Variants in PHF2 observed in about 807,000 individuals in gnomAD.
PHF2 encodes PHD finger protein 2, also known as lysine-specific demethylase PHF2.
In PHF2, 27 loss-of-function variants were observed where a neutral mutation model predicts 120.5. The observed-to-expected ratio is 0.22, with a 90% confidence interval of 0.17 to 0.31. The LOEUF (loss-of-function observed/expected upper bound fraction) is 0.31. PHF2 is among the 10% of genes least tolerant of loss of function. PHF2 has a pLI of 1.00. For missense variants in PHF2, 1,024 were observed against 1,434.8 expected (o/e 0.71, Z 4.63); for synonymous variants, 568 against 592.5 (o/e 0.96, Z 0.60).
chr9:93,667,151 C>G lies in PHF2; in HGVS notation c.2259C>G (p.Val753=). The G allele has an allele frequency of 1.9e-6, 3 of 1,613,310 alleles. No homozygotes were observed. The highest frequency in any genetic ancestry group is 2.5e-6 in the Non-Finnish European group (3 of 1,179,990). The change falls in exon 17 of 22, where the codon GTC becomes GTG. Residue 753 remains valine, a synonymous_variant. Coordinates refer to ENST00000359246, the MANE Select transcript of PHF2 (RefSeq NM_005392.4). ...TDTKPGRNAR[V]KKESGSSAAG... is the part of the protein sequence containing the mutation. ...CCAAGCCCGGCCGCAATGCCAGAGT[C>G]AAGAAGGAGAGTGGGAGCTCGGCAG...
At chr9:93,646,179 C>T (rs1826255994) in intron 4 of PHF2, among the ~76,000 whole-genome samples, 1 of 152,210 alleles carries the variant, frequency 6.6e-6, no homozygotes, top group Non-Finnish European at 1.5e-5. Context: ...CTCATCTGTA[C>T]CATGACCTGC....
At chr9:93,613,688 C>T (rs1825675547) in intron 1 of PHF2, among the ~76,000 whole-genome samples, 1 of 151,870 alleles carries the variant, frequency 6.6e-6, no homozygotes, top group African/African-American at 2.4e-5. Context: ...CCTCCTGCCT[C>T]AGCCTCCTGA....
At chr9:93,663,762 G>A (rs1283526505) in intron 14 of PHF2, 127 bp downstream of exon 14, 5 of 524,034 alleles carry the variant, frequency 9.5e-6, no homozygotes, top group East Asian at 9.1e-5. Context: ...CATGCACTCT[G>A]CATCTCACAC....
At chr9:93,639,347 C>A (rs1469323414) in intron 3 of PHF2, among the ~76,000 whole-genome samples, 6 of 152,046 alleles carry the variant, frequency 3.9e-5, no homozygotes, top group Non-Finnish European at 1.5e-5. Context: ...TCAATAGAAT[C>A]GTTTTCTTAA....
At chr9:93,645,107 A>G (rs1297409282) in intron 3 of PHF2, among the ~76,000 whole-genome samples, 2 of 151,930 alleles carry the variant, frequency 1.3e-5, no homozygotes, top group East Asian at 1.9e-4. Context: ...CCTGGTTTTC[A>G]CCCCTGTCCT....
chr9:93,581,791 C>T (rs777530819), intron 1 of PHF2, among the ~76,000 whole-genome samples: 6 of 152,162 alleles, frequency 3.9e-5, no homozygotes, highest in Non-Finnish European at 5.9e-5. Flanking sequence ...GACGCTGCCA[C>T]CCCCAGGCAT....
At chr9:93,632,925 C>T (rs1460880787) in intron 2 of PHF2, among the ~76,000 whole-genome samples, 1 of 109,452 alleles carries the variant, frequency 9.1e-6, no homozygotes. Context: ...AGTGAGTGTA[C>T]ACTGTGCCCA....
At position 93,677,330 on chromosome 9, in the gene PHF2, A is replaced by G. The variant is rs1826936804; in HGVS notation, c.3203-258A>G. On this transcript the variant is annotated intron_variant, in intron 21 of 21. Coordinates refer to ENST00000359246, the MANE Select transcript of PHF2 (RefSeq NM_005392.4). This position sits in a 1 kb window ranked among gnomAD's most constrained non-coding sequence, Gnocchi z 4.4. ...CAGGCATCCTCATGTCCTCCTCATAATGCCATCCCCAAGCCCATGTCCATC... is the reference window on the plus strand; with the variant it reads ...CAGGCATCCTCATGTCCTCCTCATAGTGCCATCCCCAAGCCCATGTCCATC... 6.6e-6 allele frequency among the ~76,000 whole-genome samples: 1 copy of G among 151,328 alleles called. No homozygotes were observed. The highest frequency in any genetic ancestry group is 2.1e-4 in the South Asian group (1 of 4,724).
intron 12 of PHF2, among the ~76,000 whole-genome samples, chr9:93,660,768 C>G (rs1290348048): frequency 6.6e-6 from 1 of 152,218 alleles, no homozygotes; most frequent in Admixed American, 6.5e-5. Context: ...CTGCAGCATC[C>G]AGGCCCAGAC....
intron 1 of PHF2, among the ~76,000 whole-genome samples, chr9:93,603,016 A>AG (rs1487722631): frequency 2.0e-5 from 3 of 150,240 alleles, no homozygotes; most frequent in African/African-American, 4.9e-5. Context: ...TTGGACTGGG[A>AG]GGGGGGCGCG....
In PHF2 at chr9:93,649,697, CACTG is replaced by C. The variant is rs531129084; in HGVS notation, c.602+489_602+492del. Among the ~76,000 whole-genome samples the C allele has an allele frequency of 4.4e-4, 66 of 151,670 alleles. 1 individual carries two copies. In the Middle Eastern group the frequency reaches 0.017, roughly 39 times the overall value. On this transcript the variant is annotated intron_variant, in intron 5 of 21. Transcript: ENST00000359246. ...CTCGTGGACACACTCATGACACTCACACTGACTCATGGACACTCCAATGCATGAG... is the reference window on the plus strand; with the variant it reads ...CTCGTGGACACACTCATGACACTCACACTCATGGACACTCCAATGCATGAG...
chr9:93,654,943 C>A (rs1250605759), intron 7 of PHF2, among the ~76,000 whole-genome samples: 1 of 152,174 alleles, frequency 6.6e-6, no homozygotes, highest in Non-Finnish European at 1.5e-5. Flanking sequence ...CTCAGAGAGC[C>A]TTGTGTGGAG....
intron 4 of PHF2, 132 bp downstream of exon 4, chr9:93,645,921 A>ACC (rs1826250776): frequency 9.8e-7 from 1 of 1,016,150 alleles, no homozygotes; most frequent in Admixed American, 3.2e-5. Context: ...CTCAAGGCTC[A>ACC]CCGTACTCTG....
chr9:93,655,302 A>C (rs954944948), intron 7 of PHF2, among the ~76,000 whole-genome samples: 8 of 150,524 alleles, frequency 5.3e-5, no homozygotes, highest in African/African-American at 2.0e-4. Context: ...ATTTTAAATA[A>C]GTATCAAACT....
chr9:93,634,120 C>T (rs370905888), intron 2 of PHF2, among the ~76,000 whole-genome samples: 6 of 152,244 alleles, frequency 3.9e-5, no homozygotes, highest in African/African-American at 1.4e-4. Flanking sequence ...AGTTTCCTCC[C>T]TAGGTCCCAC....
In PHF2 at chr9:93,633,840, C is replaced by T. The variant is rs144892727; in HGVS notation, c.185-2571C>T. On this transcript the variant is annotated intron_variant, in intron 2 of 21. Coordinates refer to ENST00000359246, the MANE Select transcript of PHF2 (RefSeq NM_005392.4). ...CCCCCACCCTGCCAGCAGTGCTGGG[C>T]CCCTGCTGGCTCCCCTCCGTGGCAC... Among the ~76,000 whole-genome samples the T allele has an allele frequency of 5.2e-3, 798 of 152,234 alleles. 9 individuals are homozygous for T. Among genetic ancestry groups the T allele is most frequent in the African/African-American group, 0.018 (745 of 41,538 alleles).
intron 2 of PHF2, 29 bp downstream of exon 2, chr9:93,630,084 C>T: frequency 6.2e-7 from 1 of 1,604,906 alleles, no homozygotes; most frequent in South Asian, 1.1e-5. Flanking sequence ...GCGGCCATCT[C>T]TTGCGGAAGA....
At chr9:93,600,778 C>T in intron 1 of PHF2, among the ~76,000 whole-genome samples, 1 of 152,058 alleles carries the variant, frequency 6.6e-6, no homozygotes. Context: ...GGGACTGCTG[C>T]TCTGCTGCGC....
At chr9:93,626,104 G>C (rs1206631523) in intron 1 of PHF2, among the ~76,000 whole-genome samples, 2 of 152,106 alleles carry the variant, frequency 1.3e-5, no homozygotes, top group South Asian at 4.1e-4. Flanking sequence ...TTAGCCAGGC[G>C]TGATGGCAGG....
Sources: allele counts gnomAD v4.1 joint callset (sites outside exome capture counted in the v4.1 genomes callset), GRCh38; gene constraint gnomAD v4.1.1; non-coding constraint Gnocchi (gnomAD v3.1); transcripts MANE v1.5; gene names NCBI Gene and HGNC (gene_info 2026-07-23, HGNC 2026-07-21).